The following PTPRG variants were observed in gnomAD, a reference collection of about 807,000 sequenced individuals.
PTPRG encodes the protein receptor-type tyrosine-protein phosphatase gamma.
In PTPRG, 102 loss-of-function variants were observed where a neutral mutation model predicts 165.3. The ratio of observed to expected loss-of-function variants is 0.62; its 90% CI spans 0.53 to 0.73. PTPRG has a LOEUF of 0.73. Ranked by LOEUF, PTPRG falls within the 30% of genes least tolerant of loss-of-function variation. PTPRG has a pLI of 0.00. For synonymous variants in PTPRG, 675 were observed against 669.5 expected (o/e 1.01, Z -0.13); for missense variants, 1,866 against 1,861.4 (o/e 1.00, Z -0.05).
rs140965395 is a variant in PTPRG at position 61,654,527 on chromosome 3, G to C, written c.85+92155G>C. On this transcript the variant is annotated intron_variant, in intron 1 of 29. Coordinates refer to ENST00000474889, the MANE Select transcript of PTPRG (RefSeq NM_002841.4). Reference sequence around the variant, plus strand: ...AGCCTCCTGAGTAGATGTGACTAGAGGCATGTGCCACCATGCTCAGCTAGT... The same window carrying C: ...AGCCTCCTGAGTAGATGTGACTAGACGCATGTGCCACCATGCTCAGCTAGT... Among the ~76,000 whole-genome samples, 67 of 152,016 alleles carry C rather than the reference G, an allele frequency of 4.4e-4. 1 individual carries two copies. The East Asian group carries it at 0.013, about 29-fold the overall frequency.
At chr3:61,889,805 C>T (rs543326275) in intron 2 of PTPRG, among the ~76,000 whole-genome samples, 50 of 152,246 alleles carry the variant, frequency 3.3e-4, no homozygotes, top group African/African-American at 1.2e-3. Flanking sequence ...GTATTTTCTT[C>T]TTGTTATTTT....
intron 5 of PTPRG, among the ~76,000 whole-genome samples, chr3:62,098,132 C>T (rs1360338091): frequency 6.6e-6 from 1 of 152,058 alleles, no homozygotes; most frequent in African/African-American, 2.4e-5. Flanking sequence ...TAGGGCTTGA[C>T]AATTTATCAA....
At chr3:61,661,051 T>A (rs374135113) in intron 1 of PTPRG, among the ~76,000 whole-genome samples, 33 of 148,848 alleles carry the variant, frequency 2.2e-4, no homozygotes, top group African/African-American at 7.5e-4. Context: ...GTTTGGACAC[T>A]TTTTCCCCCC....
chr3:62,001,336 C>T (rs1022937377), intron 3 of PTPRG, among the ~76,000 whole-genome samples: 1 of 152,064 alleles, frequency 6.6e-6, no homozygotes, highest in Non-Finnish European at 1.5e-5. Context: ...GTAAAATGAC[C>T]CCTGACAGAG....
At chr3:62,223,983 CT>C (rs1301410587) in intron 13 of PTPRG, among the ~76,000 whole-genome samples, 5 of 152,130 alleles carry the variant, frequency 3.3e-5, no homozygotes, top group Non-Finnish European at 7.3e-5. Context: ...TAAAACTCAT[CT>C]GTTTAGAGCT....
chr3:61,670,182 G>A (rs1575577591), intron 1 of PTPRG, among the ~76,000 whole-genome samples: 1 of 152,330 alleles, frequency 6.6e-6, no homozygotes, highest in East Asian at 1.9e-4. Flanking sequence ...AGCCGAATCT[G>A]AACTGATTGA....
In PTPRG at chr3:62,281,696, T is replaced by C; in HGVS notation, c.3899T>C (p.Leu1300Pro). Residue 1300 changes from leucine to proline, a missense_variant, in exon 27 of 30, where the codon CTT becomes CCT. Transcript: ENST00000474889. ...EEQIIIHDFI[L>P]EATQDDYVLE... ...CAAATTATCATCCATGACTTTATCCTTGAAGCTACACAGGTAACCTAAACC... is the reference window on the plus strand; with the variant it reads ...CAAATTATCATCCATGACTTTATCCCTGAAGCTACACAGGTAACCTAAACC... 2 of 1,611,590 alleles carry C rather than the reference T, an allele frequency of 1.2e-6. No individual in the cohort carries two copies. The highest frequency in any genetic ancestry group is 1.7e-6 in the Non-Finnish European group (2 of 1,178,626).
chr3:62,089,814 A>G (rs955479311), intron 5 of PTPRG, among the ~76,000 whole-genome samples: 4 of 152,194 alleles, frequency 2.6e-5, no homozygotes, highest in African/African-American at 9.6e-5. Flanking sequence ...ATGATAGAAG[A>G]GAGCTAACTA....
intron 1 of PTPRG, among the ~76,000 whole-genome samples, chr3:61,642,070 G>A (rs1702081345): frequency 6.6e-6 from 1 of 151,906 alleles, no homozygotes; most frequent in African/African-American, 2.4e-5. Context: ...TTTTTGTGTT[G>A]CCCACTCGCC....
At chr3:61,793,884 T>C (rs1054335883) in intron 2 of PTPRG, among the ~76,000 whole-genome samples, 7 of 152,202 alleles carry the variant, frequency 4.6e-5, no homozygotes, top group Non-Finnish European at 1.0e-4. Context: ...CTCCCTGCCA[T>C]ACAGAAATAA....
At chr3:62,123,274 G>C (rs1043313509) in intron 5 of PTPRG, among the ~76,000 whole-genome samples, 4 of 152,120 alleles carry the variant, frequency 2.6e-5, no homozygotes, top group African/African-American at 4.8e-5. Context: ...CTCTTTAGCT[G>C]TTGGCCAAAG....
At position 62,277,606 on chromosome 3, in the gene PTPRG, C is replaced by T. The variant is rs78612108; in HGVS notation, c.3692C>T (p.Thr1231Met). The change falls in exon 26 of 30, where the codon ACG becomes ATG. Residue 1231 changes from threonine (T) to methionine (M), a missense_variant. Thr to Met is a moderately conservative substitution (Grantham distance 81). This residue lies in a region of PTPRG where 1,452 missense variants were observed against 1,463.0 expected (regional missense o/e 0.99). Coordinates refer to ENST00000474889, the MANE Select transcript of PTPRG (RefSeq NM_002841.4). Reference sequence around the variant, plus strand: ...ACTCAGCATCCTCTGCCACATACTACGAAAGATTTCTGGCGAATGATTTGG... The same window carrying T: ...ACTCAGCATCCTCTGCCACATACTATGAAAGATTTCTGGCGAATGATTTGG... ...IITQHPLPHTTKDFWRMIWDH... is the reference protein window; with the variant it reads ...IITQHPLPHTMKDFWRMIWDH... 6.9e-5 allele frequency: 111 copies of T among 1,612,602 alleles called. 1 individual carries two copies. The East Asian group carries it at 2.1e-3, about 30-fold the overall frequency.
rs546842081 is a variant in PTPRG at position 62,273,138 on chromosome 3, T to C, written c.3318+57T>C. 2 of 1,526,814 alleles carry C rather than the reference T, an allele frequency of 1.3e-6. No homozygotes were observed. Among genetic ancestry groups the C allele is most frequent in the Non-Finnish European group, 1.8e-6 (2 of 1,135,270 alleles). The allele number at this position is 1,526,814 out of a possible 1,614,324, so 94.6% of individuals were successfully genotyped here. On this transcript the variant is annotated intron_variant, in intron 22 of 29. Coordinates refer to ENST00000474889, the MANE Select transcript of PTPRG (RefSeq NM_002841.4). This position sits in a 1 kb window ranked among gnomAD's most constrained non-coding sequence, Gnocchi z 4.1. ...TTCTGGCAAATGCTGTAACTGAAAT[T>C]TGTTAAATGATAATGAAGAGACAGA...
chr3:61,714,664 G>A (rs2031723932), intron 1 of PTPRG, among the ~76,000 whole-genome samples: 1 of 152,164 alleles, frequency 6.6e-6, no homozygotes, highest in Non-Finnish European at 1.5e-5. Flanking sequence ...TCCACAAAAG[G>A]ATCATATGTT....
chr3:61,738,176 G>A (rs932385997), intron 1 of PTPRG, among the ~76,000 whole-genome samples: 1 of 148,690 alleles, frequency 6.7e-6, no homozygotes, highest in Non-Finnish European at 1.5e-5. Flanking sequence ...GGGATTACAG[G>A]CATGAGCCAC....
At chr3:61,662,817 A>T (rs540215237) in intron 1 of PTPRG, among the ~76,000 whole-genome samples, 1 of 152,296 alleles carries the variant, frequency 6.6e-6, no homozygotes, top group East Asian at 1.9e-4. Flanking sequence ...GCATTTTAAA[A>T]AGGCCTCTCA....
rs540361221 is a variant in PTPRG, at chr3:62,229,495, A to T, written c.2289-1730A>T. 1.3e-5 allele frequency among the ~76,000 whole-genome samples: 2 copies of T among 152,324 alleles called. No individual in the cohort carries two copies. Among genetic ancestry groups the T allele is most frequent in the East Asian group, 3.9e-4 (2 of 5,186 alleles). On this transcript the variant is annotated intron_variant, in intron 13 of 29. Transcript: ENST00000474889. This position sits in a 1 kb window ranked among gnomAD's most constrained non-coding sequence, Gnocchi z 4.6. ...CAAAAGCGGAAAGAGATTCACTGCT[A>T]AAGGTTGCCAGTTAAACATGCTCCA...
At chr3:61,675,911 C>T (rs916569404) in intron 1 of PTPRG, among the ~76,000 whole-genome samples, 8 of 152,120 alleles carry the variant, frequency 5.3e-5, no homozygotes, top group African/African-American at 1.4e-4. Flanking sequence ...TGTGTCATTC[C>T]GTGGTAGCAT....
intron 2 of PTPRG, among the ~76,000 whole-genome samples, chr3:61,788,487 T>C (rs2034777334): frequency 6.6e-6 from 1 of 152,248 alleles, no homozygotes. Flanking sequence ...GTGAGTGATT[T>C]CTCACAATGA....
Sources: allele counts gnomAD v4.1 joint callset (sites outside exome capture counted in the v4.1 genomes callset), GRCh38; gene constraint gnomAD v4.1.1; regional missense constraint gnomAD v4.1.1; non-coding constraint Gnocchi (gnomAD v3.1); transcripts MANE v1.5; gene names NCBI Gene and HGNC (gene_info 2026-07-23, HGNC 2026-07-21).